Variants in APOO observed in about 807,000 individuals in gnomAD.
APOO encodes MICOS complex subunit MIC26.
APOO carries 11 observed loss-of-function variants against 23.1 expected under a neutral mutation model. That is an observed-to-expected ratio of 0.48 (90% CI 0.30 to 0.79). The LOEUF is 0.79. Ranked by LOEUF, APOO falls within the 30% of genes least tolerant of loss-of-function variation. APOO has a pLI of 0.07. For synonymous variants in APOO, 59 were observed against 54.8 expected, an observed-to-expected ratio of 1.08 and a Z score of -0.34; for missense variants, 160 against 142.7, an observed-to-expected ratio of 1.12 and a Z score of -0.62.
At chrX:23,884,319 T>C (rs986300485) in intron 1 of APOO, among the ~76,000 whole-genome samples, 2 of 109,841 alleles carry the variant, frequency 1.8e-5, no homozygotes, top group Admixed American at 2.0e-4. Context: ...CAAGGAAAGA[T>C]TGCACAGGAG....
intron 4 of APOO, 21 bp from the exon 5 acceptor site, chrX:23,868,709 G>A: frequency 8.7e-7 from 1 of 1,147,856 alleles, no homozygotes; most frequent in Non-Finnish European, 1.2e-6. Flanking sequence ...ATTAGACCAG[G>A]AAGCAGTTCC....
At chrX:23,878,766 C>T (rs929156197) in intron 3 of APOO, 149 bp downstream of exon 3, 28 of 642,359 alleles carry the variant, frequency 4.4e-5, no homozygotes, top group Admixed American at 8.0e-5. Flanking sequence ...CCCCACCTTT[C>T]CCCCAGACCC....
chrX:23,856,443 A>G lies in APOO; in HGVS notation c.481-61T>C, dbSNP rs911170680. ...CCAGCAATCCCTATTATTGGGAATA[A>G]TAATGGAATATAAATCATTTTACTA... is the stretch of plus-strand genomic sequence containing the variant. On this transcript the variant is annotated intron_variant, in intron 6 of 8. Transcript: ENST00000379226. The G allele has an allele frequency of 3.4e-6, 3 of 889,238 alleles. No homozygotes were observed. In the African/African-American group the frequency reaches 6.0e-5, roughly 18 times the overall value. The allele number at this position is 889,238 out of a possible 1,213,427, so 73.3% of individuals were successfully genotyped here.
At chrX:23,904,427 AG>A (rs1332588633) in intron 1 of APOO, among the ~76,000 whole-genome samples, 1 of 109,943 alleles carries the variant, frequency 9.1e-6, no homozygotes, top group African/African-American at 3.3e-5. Flanking sequence ...GTATGTTACT[AG>A]TAGTCATCTT....
At chrX:23,887,438 T>C (rs1335398160) in intron 1 of APOO, among the ~76,000 whole-genome samples, 1 of 109,264 alleles carries the variant, frequency 9.2e-6, no homozygotes, top group Non-Finnish European at 1.9e-5. Context: ...TTCACCATGT[T>C]GGCCAGGATG....
At chrX:23,879,803 A>G (rs769125942) in intron 2 of APOO, among the ~76,000 whole-genome samples, 2 of 112,168 alleles carry the variant, frequency 1.8e-5, no homozygotes, top group Non-Finnish European at 3.8e-5. Flanking sequence ...TTCTCCACCC[A>G]GAGAACTTCT....
chrX:23,856,379 T>A lies in APOO; in HGVS notation c.484A>T (p.Ser162Cys). The A allele has an allele frequency of 8.3e-7, 1 of 1,200,304 alleles. No homozygotes were observed. The highest frequency in any genetic ancestry group is 1.1e-6 in the Non-Finnish European group (1 of 886,723). Residue 162 changes from serine (S) to cysteine (C), a missense_variant, in exon 7 of 9, where the codon AGT becomes TGT. Ser to Cys is a moderately radical substitution (Grantham distance 112, BLOSUM62 -1). Coordinates refer to ENST00000379226, the MANE Select transcript of APOO (RefSeq NM_024122.5). Reference protein sequence around the residue: ...PQQAIVFAQVSGERLYDWGLR... With the variant: ...PQQAIVFAQVCGERLYDWGLR... ...CCCCAGTCATATAATCTCTCCCCAC[T>A]GACCTTAAAACAAAATAGAAAAGAT...
chrX:23,865,512 G>A (rs1925294916), intron 5 of APOO, among the ~76,000 whole-genome samples: 1 of 109,751 alleles, frequency 9.1e-6, no homozygotes. Context: ...GCTGAGGCAG[G>A]AGAATCACCC....
intron 7 of APOO, among the ~76,000 whole-genome samples, chrX:23,854,552 G>A (rs1924694407): frequency 9.0e-6 from 1 of 111,368 alleles, no homozygotes; most frequent in Non-Finnish European, 1.9e-5. Flanking sequence ...ATGAAGTCTC[G>A]CTCTGTTGCC....
chrX:23,835,107 G>A (rs1211648381), intron 8 of APOO, among the ~76,000 whole-genome samples: 5 of 105,158 alleles, frequency 4.8e-5, no homozygotes, highest in African/African-American at 1.7e-4. Context: ...TGTTGCCCAG[G>A]CTGGAGTACA....
chrX:23,899,950 T>C (rs1266173754), intron 1 of APOO, among the ~76,000 whole-genome samples: 1 of 112,235 alleles, frequency 8.9e-6, no homozygotes, highest in African/African-American at 3.2e-5. Context: ...CATAAATGTC[T>C]GGTACATCAT....
chrX:23,879,142 C>CT, intron 2 of APOO, 108 bp from the exon 3 acceptor site: 1 of 956,182 alleles, frequency 1.0e-6, no homozygotes, highest in Non-Finnish European at 1.4e-6. Context: ...TCATGAATTA[C>CT]AGTGACTCTG....
At chrX:23,866,533 C>T (rs1925343639) in intron 5 of APOO, among the ~76,000 whole-genome samples, 1 of 111,191 alleles carries the variant, frequency 9.0e-6, no homozygotes, top group Admixed American at 9.7e-5. Flanking sequence ...CTTTGGGGGA[C>T]ACCAAGGGAG....
At chrX:23,849,059 G>A (rs1165863804) in intron 7 of APOO, among the ~76,000 whole-genome samples, 1 of 108,687 alleles carries the variant, frequency 9.2e-6, no homozygotes, top group Non-Finnish European at 1.9e-5. Context: ...GGGTTTCACC[G>A]TCTTAGCCAG....
Position 23,906,410 on chromosome X carries a change from T to C in APOO, c.9+1284A>G, listed in dbSNP as rs971347243. ...AAGTTCAGGGATCCTCTGAAATCTATGTGCAGATCCTTTGAGGAGCTGAGG... is the reference window on the plus strand; with the variant it reads ...AAGTTCAGGGATCCTCTGAAATCTACGTGCAGATCCTTTGAGGAGCTGAGG... On this transcript the variant is annotated intron_variant, in intron 1 of 8. Coordinates refer to ENST00000379226, the MANE Select transcript of APOO (RefSeq NM_024122.5). Among the ~76,000 whole-genome samples the C allele has an allele frequency of 7.1e-5, 8 of 112,625 alleles. No homozygotes were observed. The East Asian group carries it at 1.7e-3, about 23-fold the overall frequency.
At chrX:23,891,261 C>G (rs1926639261) in intron 1 of APOO, among the ~76,000 whole-genome samples, 1 of 110,531 alleles carries the variant, frequency 9.0e-6, no homozygotes, top group South Asian at 3.9e-4. Context: ...GAGTCTCGCT[C>G]TGTCACCCAG....
chrX:23,892,641 G>A (rs553822357), intron 1 of APOO, among the ~76,000 whole-genome samples: 3 of 107,727 alleles, frequency 2.8e-5, no homozygotes, highest in African/African-American at 6.8e-5. Context: ...GGTGGCGGGC[G>A]CCTGTAGTCC....
At position 23,878,934 on chromosome X, in the gene APOO, G is replaced by A; in HGVS notation, c.218C>T (p.Pro73Leu). The change falls in exon 3 of 9, where the codon CCA becomes CTA. Residue 73 changes from proline to leucine, a missense_variant. Physicochemically the swap from Pro to Leu is moderately conservative, Grantham distance 98 (BLOSUM62 -3). Coordinates refer to ENST00000379226, the MANE Select transcript of APOO (RefSeq NM_024122.5). ...TTGTACCTGACACCAGGTTGTGTAT[G>A]GCTCGCAATAGTGTCGGAGCTGTGA... is the stretch of plus-strand genomic sequence containing the variant. ...SISQLRHYCE[P>L]YTTWCQETYS... 1 of 1,210,877 alleles carries A rather than the reference G, an allele frequency of 8.3e-7. No individual in the cohort carries two copies. The highest frequency in any genetic ancestry group is 1.1e-6 in the Non-Finnish European group (1 of 894,986).
At chrX:23,880,823 C>T (rs1851503177) in intron 2 of APOO, 22 bp downstream of exon 2, 8 of 1,047,862 alleles carry the variant, frequency 7.6e-6, no homozygotes, top group Admixed American at 6.0e-5. Flanking sequence ...CAAAATATAT[C>T]GCAACATGAA....
Sources: gnomAD v4.1 joint callset for allele counts (sites outside exome capture counted in the v4.1 genomes callset) on GRCh38, gnomAD v4.1.1 for gene constraint, MANE v1.5 for transcripts, NCBI Gene and HGNC (gene_info 2026-07-23, HGNC 2026-07-21) for gene names.